Variants in HERC5 observed in about 807,000 individuals in gnomAD.
HERC5 encodes the protein E3 ISG15--protein ligase HERC5.
A neutral mutation model predicts 119.6 loss-of-function variants in HERC5; 99 were observed. That is an observed-to-expected ratio of 0.83 (90% CI 0.70 to 0.98). The LOEUF is 0.98. Among genes scored for constraint, HERC5 ranks in the 50% least tolerant of loss-of-function variants. HERC5 has a pLI of 0.00. For synonymous variants in HERC5, 478 were observed against 445.9 expected, an observed-to-expected ratio of 1.07 and a Z score of -0.91; for missense variants, 1,267 against 1,241.3, an observed-to-expected ratio of 1.02 and a Z score of -0.31.
At chr4:88,505,219 T>G (rs1742069121) in intron 22 of HERC5, among the ~76,000 whole-genome samples, 2 of 152,192 alleles carry the variant, frequency 1.3e-5, no homozygotes, top group Admixed American at 6.5e-5. Context: ...GGCCTTTCTG[T>G]GAAGTTCCTT....
intron 13 of HERC5, among the ~76,000 whole-genome samples, chr4:88,482,638 G>A (rs1174393961): frequency 1.3e-5 from 2 of 152,210 alleles, no homozygotes; most frequent in Non-Finnish European, 1.5e-5. Context: ...ATCTAGAAGG[G>A]GATGTGTGGG....
At chr4:88,462,583 A>G (rs891633492) in intron 4 of HERC5, among the ~76,000 whole-genome samples, 2 of 152,196 alleles carry the variant, frequency 1.3e-5, no homozygotes, top group African/African-American at 4.8e-5. Flanking sequence ...GGGAAAGGGC[A>G]TTGAATTAGG....
intron 13 of HERC5, among the ~76,000 whole-genome samples, chr4:88,482,146 CT>C (rs1157429465): frequency 6.6e-6 from 1 of 151,720 alleles, no homozygotes; most frequent in African/African-American, 2.4e-5. Flanking sequence ...CTCGTCTCTA[CT>C]AAAAATACAA....
rs1199392726 is a variant in HERC5 at position 88,463,721 on chromosome 4, A to G, written c.780+98A>G. The G allele has an allele frequency of 8.1e-6, 11 of 1,363,812 alleles. No homozygotes were observed. The East Asian group carries it at 9.2e-5, about 11-fold the overall frequency. The allele number at this position is 1,363,812 out of a possible 1,614,324, so 84.5% of individuals were successfully genotyped here. A position where few individuals can be genotyped will look rare whatever the true frequency, so the allele number is the denominator to read the frequency against. On this transcript the variant is annotated intron_variant, in intron 5 of 22. Transcript: ENST00000264350. ...GAGAAGAAAGGTCATCACTTCCTGT[A>G]TGTAGGACTGTCCTTCTGATATTTA...
At chr4:88,457,882 T>G in intron 1 of HERC5, 1 of 1,053,158 alleles carries the variant, frequency 9.5e-7, no homozygotes, top group Admixed American at 5.4e-5. Context: ...CATCTCCCAC[T>G]GTCTCGTTTT....
At chr4:88,457,823 T>C in intron 1 of HERC5, 1 of 824,836 alleles carries the variant, frequency 1.2e-6, no homozygotes. Context: ...CCAGTCTGGC[T>C]TTCTCATAGG....
At chr4:88,490,932 T>G (rs1172359551) in intron 16 of HERC5, among the ~76,000 whole-genome samples, 1 of 152,208 alleles carries the variant, frequency 6.6e-6, no homozygotes, top group Non-Finnish European at 1.5e-5. Flanking sequence ...ATGGACTCGT[T>G]ATGTGATTCT....
Position 88,462,065 on chromosome 4 carries a change from A to C in HERC5, c.467-70A>C, listed in dbSNP as rs938864974. 3.9e-6 allele frequency: 5 copies of C among 1,293,382 alleles called. No homozygotes were observed. The African/African-American group carries it at 7.3e-5, about 19-fold the overall frequency. The allele number at this position is 1,293,382 out of a possible 1,614,324, so 80.1% of individuals were successfully genotyped here. A position where few individuals can be genotyped will look rare whatever the true frequency, so the allele number is the denominator to read the frequency against. On this transcript the variant is annotated intron_variant, in intron 3 of 22. Transcript: ENST00000264350. ...TGATATTATACTAGGTAGAGCATGCATAATGCTTTAGGGTAATGTCTGCTG... is the reference window on the plus strand; with the variant it reads ...TGATATTATACTAGGTAGAGCATGCCTAATGCTTTAGGGTAATGTCTGCTG...
intron 18 of HERC5, among the ~76,000 whole-genome samples, chr4:88,496,468 G>A (rs1741798094): frequency 6.6e-6 from 1 of 152,228 alleles, no homozygotes; most frequent in Non-Finnish European, 1.5e-5. Flanking sequence ...CGATAGAACA[G>A]ACGATAGAGC....
intron 20 of HERC5, 118 bp downstream of exon 20, chr4:88,501,103 C>T: frequency 1.5e-6 from 1 of 656,846 alleles, no homozygotes; most frequent in Non-Finnish European, 2.6e-6. Context: ...TTCACTAAGG[C>T]AGAGAAGTTG....
In HERC5 at chr4:88,469,143, C is replaced by T; in HGVS notation, c.1135-14C>T. Reference sequence around the variant, plus strand: ...GTCTAAATTATTGTATTTTACTTTCCTGTTTGTTTACAGAATTCATATGTT... The same window carrying T: ...GTCTAAATTATTGTATTTTACTTTCTTGTTTGTTTACAGAATTCATATGTT... On this transcript the variant is annotated splice_polypyrimidine_tract_variant and intron_variant, in intron 8 of 22. Transcript: ENST00000264350. 2 of 1,553,704 alleles carry T rather than the reference C, an allele frequency of 1.3e-6. No individual in the cohort carries two copies. The highest frequency in any genetic ancestry group is 8.9e-7 in the Non-Finnish European group (1 of 1,127,174).
chr4:88,485,325 A>G (rs1392350745), intron 13 of HERC5, among the ~76,000 whole-genome samples: 1 of 152,142 alleles, frequency 6.6e-6, no homozygotes, highest in Non-Finnish European at 1.5e-5. Flanking sequence ...TTTCTCTGTG[A>G]CTCTGGAGAT....
Position 88,457,268 on chromosome 4 carries a change from C to T in HERC5, c.-2C>T. On this transcript the variant is annotated 5_prime_UTR_variant, in exon 1 of 23. Coordinates refer to ENST00000264350, the MANE Select transcript of HERC5 (RefSeq NM_016323.4). ...CTGGGCCTGGGACCCCGCAAAGCGG[C>T]GATGGAGCGGAGGTCGCGGAGGAAG... is the stretch of plus-strand genomic sequence containing the variant. 1.5e-6 allele frequency: 2 copies of T among 1,332,962 alleles called. No individual in the cohort carries two copies. Among genetic ancestry groups the T allele is most frequent in the Non-Finnish European group, 9.6e-7 (1 of 1,043,756 alleles). 82.6% of individuals were successfully genotyped at this position (1,332,962 alleles called of 1,614,324 possible). A position where few individuals can be genotyped will look rare whatever the true frequency, so the allele number is the denominator to read the frequency against.
At chr4:88,469,042 G>C in intron 8 of HERC5, 115 bp from the exon 9 acceptor site, 1 of 627,936 alleles carries the variant, frequency 1.6e-6, no homozygotes, top group Non-Finnish European at 2.8e-6. Flanking sequence ...ATTGTCCCAG[G>C]GCTGTATTAC....
In HERC5 at chr4:88,493,136, G is replaced by C. The variant is rs557500751; in HGVS notation, c.2258G>C (p.Cys753Ser). The C allele has an allele frequency of 1.2e-6, 2 of 1,613,694 alleles. No homozygotes were observed. The highest frequency in any genetic ancestry group is 1.7e-6 in the Non-Finnish European group (2 of 1,179,798). Residue 753 changes from cysteine to serine, a missense_variant, in exon 17 of 23, where the codon TGC (cysteine) becomes TCC (serine). Cys to Ser is a moderately radical substitution (Grantham distance 112, BLOSUM62 -1). Around this residue, in one of 3 missense-constraint regions of HERC5, gnomAD observed 473 missense variants for 445.7 expected, o/e 1.06. Coordinates refer to ENST00000264350, the MANE Select transcript of HERC5 (RefSeq NM_016323.4). Reference sequence around the variant, plus strand: ...TTCATGTATCCTGAAGGGGCTTCCTGCATGTGGTTTCCTGTCAAGGTAAGT... The same window carrying C: ...TTCATGTATCCTGAAGGGGCTTCCTCCATGTGGTTTCCTGTCAAGGTAAGT... ...GMFMYPEGAS[C>S]MWFPVKPKFE...
chr4:88,495,675 A>G (rs766958727), intron 18 of HERC5, among the ~76,000 whole-genome samples: 2 of 152,188 alleles, frequency 1.3e-5, no homozygotes, highest in Non-Finnish European at 2.9e-5. Flanking sequence ...AGGCCCCATA[A>G]TGGCAGAACG....
chr4:88,472,639 A>T, intron 11 of HERC5, 137 bp downstream of exon 11: 1 of 672,172 alleles, frequency 1.5e-6, no homozygotes, highest in South Asian at 1.8e-5. Flanking sequence ...TTAAACTCAG[A>T]TAACATTTAG....
intron 11 of HERC5, among the ~76,000 whole-genome samples, chr4:88,474,181 G>A (rs1740972421): frequency 6.6e-6 from 1 of 152,206 alleles, no homozygotes; most frequent in Admixed American, 6.5e-5. Context: ...CAAAGACCTG[G>A]TGTGTTTTAC....
chr4:88,465,039 G>A (rs1013614698), intron 6 of HERC5, among the ~76,000 whole-genome samples: 2 of 152,128 alleles, frequency 1.3e-5, no homozygotes, highest in African/African-American at 4.8e-5. Context: ...CAAAGTGCTG[G>A]GATTACAGGC....
Sources: allele counts gnomAD v4.1 joint callset (sites outside exome capture counted in the v4.1 genomes callset), GRCh38; gene constraint gnomAD v4.1.1; regional missense constraint gnomAD v4.1.1; transcripts MANE v1.5; gene names NCBI Gene and HGNC (gene_info 2026-07-23, HGNC 2026-07-21).